ITCH: variants seen among roughly 807,000 people sequenced by gnomAD.
ITCH encodes itchy E3 ubiquitin protein ligase.
In ITCH, 28 loss-of-function variants were observed where a neutral mutation model predicts 126.8. The ratio of observed to expected loss-of-function variants is 0.22; its 90% confidence interval spans 0.16 to 0.30. ITCH has a LOEUF of 0.30. ITCH is among the 10% of genes least tolerant of loss of function. The probability of loss-of-function intolerance (pLI) is 1.00; values close to 1 mark genes in which losing one functional copy is unlikely to be tolerated. For missense variants in ITCH, 631 were observed against 1,032.4 expected (o/e 0.61, Z 5.33); for synonymous variants, 342 against 340.0 (o/e 1.01, Z -0.06).
chr20:34,482,677 C>G (rs1988837609), intron 20 of ITCH, among the ~76,000 whole-genome samples: 1 of 152,206 alleles, frequency 6.6e-6, no homozygotes, highest in South Asian at 2.1e-4. Flanking sequence ...GTGTCTATGG[C>G]TTTTCCAGTC....
intron 4 of ITCH, among the ~76,000 whole-genome samples, chr20:34,410,478 G>A (rs973380707): frequency 1.3e-5 from 2 of 152,028 alleles, no homozygotes; most frequent in African/African-American, 2.4e-5. Context: ...TGTTTCTTAG[G>A]CTTTCTGTTT....
intron 16 of ITCH, among the ~76,000 whole-genome samples, chr20:34,474,182 T>C (rs1987909734): frequency 6.6e-6 from 1 of 152,242 alleles, no homozygotes; most frequent in Non-Finnish European, 1.5e-5. Flanking sequence ...TTTTTTCTTT[T>C]ATTGATCATT....
At chr20:34,402,596 C>T (rs1751733444) in intron 3 of ITCH, 1 of 662,484 alleles carries the variant, frequency 1.5e-6, no homozygotes, top group South Asian at 1.5e-5. Context: ...ATTGTTATTG[C>T]ATAGTTGTCA....
chr20:34,409,249 G>GT (rs1433807016), intron 4 of ITCH, among the ~76,000 whole-genome samples: 1 of 149,126 alleles, frequency 6.7e-6, no homozygotes, highest in Non-Finnish European at 1.5e-5. Context: ...CTGGAGTATA[G>GT]TGGCACTATC....
chr20:34,402,455 A>T, intron 3 of ITCH: 1 of 769,494 alleles, frequency 1.3e-6, no homozygotes, highest in Non-Finnish European at 2.4e-6. Flanking sequence ...AAATGGAGAG[A>T]TGGAGAGACC....
At chr20:34,444,847 G>T (rs528986193) in intron 10 of ITCH, among the ~76,000 whole-genome samples, 1 of 152,290 alleles carries the variant, frequency 6.6e-6, no homozygotes, top group Admixed American at 6.5e-5. Flanking sequence ...TCACCCTGGT[G>T]GCCAGGCTGG....
intron 20 of ITCH, among the ~76,000 whole-genome samples, chr20:34,481,696 A>C (rs1334436437): frequency 6.6e-6 from 1 of 152,156 alleles, no homozygotes. Flanking sequence ...GAGAGCTTGT[A>C]CAGGGAAAAC....
At position 34,475,672 on chromosome 20, in the gene ITCH, G is replaced by A. The variant is rs545340758; in HGVS notation, c.1570-2100G>A. On this transcript the variant is annotated intron_variant, in intron 16 of 24. Transcript: ENST00000374864. ...AAGAGAGGGAGAGCGAGACCGTGGG[G>A]AGAGGGAGACGGGAGAGGCAGAGGC... Among the ~76,000 whole-genome samples, 3 of 151,698 alleles carry A rather than the reference G, an allele frequency of 2.0e-5. No individual in the cohort carries two copies. In the South Asian group the frequency reaches 6.3e-4, roughly 32 times the overall value.
At chr20:34,418,006 G>C (rs922072492) in intron 6 of ITCH, among the ~76,000 whole-genome samples, 1 of 130,540 alleles carries the variant, frequency 7.7e-6, no homozygotes, top group Non-Finnish European at 1.6e-5. Context: ...TCGTTCATTT[G>C]CCAAGGGTGG....
At chr20:34,459,182 A>G (rs563780683) in intron 13 of ITCH, among the ~76,000 whole-genome samples, 24 of 152,286 alleles carry the variant, frequency 1.6e-4, no homozygotes, top group South Asian at 4.1e-4. Context: ...GAAACCTCTT[A>G]TAGTCACATT....
At chr20:34,389,068 T>A (rs1427266711) in intron 2 of ITCH, among the ~76,000 whole-genome samples, 1 of 152,224 alleles carries the variant, frequency 6.6e-6, no homozygotes, top group African/African-American at 2.4e-5. Flanking sequence ...TGCTCTGAAG[T>A]ACGCCCTGTG....
intron 23 of ITCH, among the ~76,000 whole-genome samples, chr20:34,503,950 T>G (rs1990458691): frequency 6.6e-6 from 1 of 150,688 alleles, no homozygotes; most frequent in Non-Finnish European, 1.5e-5. Context: ...GGCGCAATCT[T>G]GAGTCACTGC....
intron 7 of ITCH, among the ~76,000 whole-genome samples, chr20:34,431,505 T>G (rs1473432883): frequency 1.3e-5 from 2 of 151,610 alleles, no homozygotes; most frequent in Non-Finnish European, 2.9e-5. Context: ...AGGATGGGAG[T>G]GAGATAAAGA....
intron 3 of ITCH, chr20:34,402,176 C>T (rs1264082125): frequency 5.8e-6 from 8 of 1,378,866 alleles, no homozygotes; most frequent in Admixed American, 1.7e-5. Flanking sequence ...AGCTCTTCTT[C>T]GGTTCTGGAG....
At chr20:34,455,096 C>T (rs900996233) in intron 12 of ITCH, among the ~76,000 whole-genome samples, 1 of 152,014 alleles carries the variant, frequency 6.6e-6, no homozygotes, top group Non-Finnish European at 1.5e-5. Flanking sequence ...CTCCCAGAGT[C>T]CTGGGATTAC....
At chr20:34,485,033 T>A (rs570013091) in intron 20 of ITCH, among the ~76,000 whole-genome samples, 1 of 152,240 alleles carries the variant, frequency 6.6e-6, no homozygotes, top group East Asian at 1.9e-4. Flanking sequence ...AATGAAATCA[T>A]AGAGTATGTA....
At chr20:34,397,601 C>G (rs2038721762) in intron 3 of ITCH, among the ~76,000 whole-genome samples, 1 of 152,164 alleles carries the variant, frequency 6.6e-6, no homozygotes, top group Non-Finnish European at 1.5e-5. Flanking sequence ...AAAAATAATA[C>G]TGTCTTAAGG....
rs188075885 is a variant in ITCH at position 34,510,278 on chromosome 20, G to A, written c.*2484G>A. On this transcript the variant is annotated 3_prime_UTR_variant, in exon 25 of 25. Coordinates refer to ENST00000374864, the MANE Select transcript of ITCH (RefSeq NM_031483.7). ...ATAAAAATACTGCAAATAGACCGCA[G>A]ACATAAATATCTACCAAATGCTATC... 99 of 152,604 alleles carry A rather than the reference G, an allele frequency of 6.5e-4. 1 individual carries two copies. The East Asian group carries it at 0.018, about 28-fold the overall frequency. The allele number at this position is 152,604 out of a possible 1,614,324, so 9.5% of individuals were successfully genotyped here. A position where few individuals can be genotyped will look rare whatever the true frequency, so the allele number is the denominator to read the frequency against.
chr20:34,444,575 G>T (rs913638099), intron 10 of ITCH, among the ~76,000 whole-genome samples: 2 of 152,000 alleles, frequency 1.3e-5, no homozygotes, highest in Admixed American at 1.3e-4. Context: ...CAACAAGAGG[G>T]AAACTCTGTC....
Sources: gnomAD v4.1 joint callset for allele counts (sites outside exome capture counted in the v4.1 genomes callset) on GRCh38, gnomAD v4.1.1 for gene constraint, MANE v1.5 for transcripts, NCBI Gene and HGNC (gene_info 2026-07-23, HGNC 2026-07-21) for gene names.